Variants in CLASP1 observed in about 807,000 individuals in gnomAD.
The protein encoded by CLASP1 is CLIP-associating protein 1.
A neutral mutation model predicts 192.3 loss-of-function variants in CLASP1; 38 were observed. The observed-to-expected ratio is 0.20, with a 90% confidence interval of 0.15 to 0.26. The LOEUF (loss-of-function observed/expected upper bound fraction) is 0.26, where lower values mean the gene tolerates loss of function less well. Among genes scored for constraint, CLASP1 ranks in the 10% least tolerant of loss-of-function variants. The pLI is 1.00. For missense variants in CLASP1, 1,433 were observed against 1,932.5 expected (o/e 0.74, Z 4.85); for synonymous variants, 691 against 712.8 (o/e 0.97, Z 0.49).
intron 8 of CLASP1, among the ~76,000 whole-genome samples, chr2:121,489,482 T>C (rs1161647769): frequency 1.3e-5 from 2 of 152,188 alleles, no homozygotes; most frequent in East Asian, 3.8e-4. Flanking sequence ...CTCTGTGCAA[T>C]ACCTGTTTCA....
At position 121,514,621 on chromosome 2, in the gene CLASP1, C is replaced by T. The variant is rs570858040; in HGVS notation, c.644+1044G>A. Among the ~76,000 whole-genome samples, 294 of 152,214 alleles carry T rather than the reference C, an allele frequency of 1.9e-3. 2 individuals are homozygous for T. The highest frequency in any genetic ancestry group is 6.0e-3 in the African/African-American group (251 of 41,540). Reference sequence around the variant, plus strand: ...TGTGCACAGATGGTGAGAGCAATTCCAGATCAGGCATGACTCTCAACCACA... The same window carrying T: ...TGTGCACAGATGGTGAGAGCAATTCTAGATCAGGCATGACTCTCAACCACA... On this transcript the variant is annotated intron_variant, in intron 7 of 39. Coordinates refer to ENST00000263710, the Ensembl canonical transcript of CLASP1.
At chr2:121,544,439 CAAA>C (rs11293204) in intron 2 of CLASP1, among the ~76,000 whole-genome samples, 3 of 80,670 alleles carry the variant, frequency 3.7e-5, no homozygotes, top group Non-Finnish European at 6.2e-5. Context: ...AAAATATATA[CAAA>C]AAAAAAAAAA....
intron 2 of CLASP1, among the ~76,000 whole-genome samples, chr2:121,567,200 T>C (rs1219720135): frequency 6.6e-6 from 1 of 152,240 alleles, no homozygotes; most frequent in Admixed American, 6.5e-5. Flanking sequence ...TTCATTATCC[T>C]CAGCTTCTTC....
intron 33 of CLASP1, among the ~76,000 whole-genome samples, chr2:121,378,526 CAG>C (rs551204661): frequency 9.2e-5 from 14 of 152,014 alleles, no homozygotes; most frequent in Non-Finnish European, 1.8e-4. Flanking sequence ...TGCACTGAAA[CAG>C]GGAGAATCCT....
At chr2:121,641,990 C>T (rs1277528635) in intron 1 of CLASP1, among the ~76,000 whole-genome samples, 1 of 148,104 alleles carries the variant, frequency 6.8e-6, no homozygotes, top group Non-Finnish European at 1.5e-5. Flanking sequence ...GACCCTGCCT[C>T]TTTAAAAACA....
At chr2:121,464,763 G>A (rs1353808633) in intron 9 of CLASP1, among the ~76,000 whole-genome samples, 1 of 152,202 alleles carries the variant, frequency 6.6e-6, no homozygotes, top group African/African-American at 2.4e-5. Context: ...TGTCAGATGA[G>A]TAGGTTGCGA....
intron 14 of CLASP1, among the ~76,000 whole-genome samples, chr2:121,452,985 A>G (rs565855270): frequency 3.9e-4 from 60 of 152,014 alleles, no homozygotes; most frequent in African/African-American, 1.4e-3. Context: ...TAATCCATAC[A>G]CAATCACTCA....
chr2:121,570,037 G>A (rs756774999), intron 2 of CLASP1, among the ~76,000 whole-genome samples: 33 of 152,094 alleles, frequency 2.2e-4, no homozygotes, highest in Non-Finnish European at 4.1e-4. Context: ...TCTGTCAAAG[G>A]AAGATATTTG....
chr2:121,454,762 C>T (rs1243614661), intron 14 of CLASP1, among the ~76,000 whole-genome samples: 1 of 152,152 alleles, frequency 6.6e-6, no homozygotes, highest in East Asian at 1.9e-4. Context: ...AGATCCGTGT[C>T]ATCTTATCGG....
chr2:121,450,427 G>T (rs1007678498), intron 16 of CLASP1, among the ~76,000 whole-genome samples: 3 of 152,098 alleles, frequency 2.0e-5, no homozygotes, highest in Non-Finnish European at 4.4e-5. Context: ...TACCTCACTT[G>T]TTGAGACAGA....
rs1481486710 is a variant in CLASP1 at position 121,557,985 on chromosome 2, G to C, written c.196-27660C>G. Among the ~76,000 whole-genome samples the C allele has an allele frequency of 2.7e-5, 4 of 149,422 alleles. No individual in the cohort carries two copies. The East Asian group carries it at 8.0e-4, about 30-fold the overall frequency. ...AATCCCAGCTACTCAGGAGGCTGAG[G>C]CAGAGAACTGCTTGAACCCAGGAGG... On this transcript the variant is annotated intron_variant, in intron 2 of 39. Transcript: ENST00000263710.
chr2:121,460,233 G>C, intron 11 of CLASP1, 108 bp from the exon 12 acceptor site: 1 of 853,404 alleles, frequency 1.2e-6, no homozygotes, highest in South Asian at 2.6e-5. Context: ...AAGTTCAACT[G>C]ATTAGAAAGC....
chr2:121,530,984 TATTTTGGTGCA>T, intron 2 of CLASP1: 1 of 700,432 alleles, frequency 1.4e-6, no homozygotes, highest in Non-Finnish European at 2.6e-6. Flanking sequence ...GCTTTTGCTT[TATTTTGGTGCA>T]ATTTTTGGAA....
chr2:121,528,354 T>TC (rs1291900637), intron 4 of CLASP1, among the ~76,000 whole-genome samples: 1 of 152,124 alleles, frequency 6.6e-6, no homozygotes, highest in Non-Finnish European at 1.5e-5. Flanking sequence ...GCCTCCTGAC[T>TC]CCCCAGACAC....
rs535116596 is a variant in CLASP1 at position 121,349,197 on chromosome 2, G to A, written c.4207-479C>T. On this transcript the variant is annotated intron_variant, in intron 37 of 39. Coordinates refer to ENST00000263710, the Ensembl canonical transcript of CLASP1. ...GGAGCTTGCAGTGAGCCAAGATCGC[G>A]CCACCGCACTCCAGCCTGGGTGACA... is the stretch of plus-strand genomic sequence containing the variant. 6.8e-4 allele frequency among the ~76,000 whole-genome samples: 103 copies of A among 151,666 alleles called. 1 individual carries two copies. Among genetic ancestry groups the A allele is most frequent in the African/African-American group, 2.3e-3 (97 of 41,328 alleles).
intron 14 of CLASP1, 46 bp downstream of exon 14, chr2:121,457,641 G>T: frequency 6.7e-7 from 1 of 1,482,020 alleles, no homozygotes; most frequent in Non-Finnish European, 9.4e-7. Flanking sequence ...ATTTGTTTTG[G>T]TTTTTAAACA....
chr2:121,556,994 T>G (rs1177354626), intron 2 of CLASP1, among the ~76,000 whole-genome samples: 1 of 152,222 alleles, frequency 6.6e-6, no homozygotes, highest in Non-Finnish European at 1.5e-5. Context: ...TTATTAATAC[T>G]TGCATAATCG....
intron 6 of CLASP1, among the ~76,000 whole-genome samples, chr2:121,516,588 A>G (rs2094301800): frequency 6.6e-6 from 1 of 152,220 alleles, no homozygotes; most frequent in Non-Finnish European, 1.5e-5. Flanking sequence ...CTTTTTTTCT[A>G]ACCTGGGGAA....
At chr2:121,510,759 T>C (rs2094108083) in intron 7 of CLASP1, among the ~76,000 whole-genome samples, 1 of 151,456 alleles carries the variant, frequency 6.6e-6, no homozygotes. Context: ...GATCATGTCA[T>C]TGCACTCCAG....
Sources: allele counts gnomAD v4.1 joint callset (sites outside exome capture counted in the v4.1 genomes callset), GRCh38; gene constraint gnomAD v4.1.1; transcripts MANE v1.5; gene names NCBI Gene and HGNC (gene_info 2026-07-23, HGNC 2026-07-21).